The following PPP2R2C variants were observed in gnomAD, a reference collection of about 807,000 sequenced individuals.
The protein encoded by PPP2R2C is protein phosphatase 2 regulatory subunit Bgamma.
A neutral mutation model predicts 45.3 loss-of-function variants in PPP2R2C; 10 were observed. The ratio of observed to expected loss-of-function variants is 0.22; its 90% CI spans 0.14 to 0.37. The LOEUF is 0.37. Among genes scored for constraint, PPP2R2C ranks in the 10% least tolerant of loss-of-function variants. The probability of loss-of-function intolerance (pLI) is 1.00; values close to 1 mark genes in which losing one functional copy is unlikely to be tolerated. For synonymous variants in PPP2R2C, 257 were observed against 245.4 expected, an observed-to-expected ratio of 1.05 and a Z score of -0.44; for missense variants, 308 against 619.7, an observed-to-expected ratio of 0.50 and a Z score of 5.34.
intron 2 of PPP2R2C, among the ~76,000 whole-genome samples, chr4:6,486,737 T>C (rs1722542218): frequency 6.6e-6 from 1 of 152,144 alleles, no homozygotes; most frequent in African/African-American, 2.4e-5. Context: ...ACTCTTGTCT[T>C]TATATTTCAA....
At chr4:6,515,340 G>A (rs1470062710) in intron 2 of PPP2R2C, among the ~76,000 whole-genome samples, 1 of 152,154 alleles carries the variant, frequency 6.6e-6, no homozygotes, top group East Asian at 1.9e-4. Context: ...AACAAGTACT[G>A]GATGGTGAGC....
At chr4:6,343,998 G>C (rs1169696939) in intron 6 of PPP2R2C, among the ~76,000 whole-genome samples, 2 of 152,174 alleles carry the variant, frequency 1.3e-5, no homozygotes, top group Non-Finnish European at 2.9e-5. Flanking sequence ...GGGATCACTG[G>C]TGCGGGCAAG....
In PPP2R2C at chr4:6,372,532, T is replaced by G; in HGVS notation, c.616A>C (p.Arg206=). The G allele has an allele frequency of 6.2e-7, 1 of 1,614,136 alleles. No individual in the cohort carries two copies. The highest frequency in any genetic ancestry group is 8.5e-7 in the Non-Finnish European group (1 of 1,179,978). ...CCACAGTGAAGGATACTGAAGCTCC[T>G]GTCGGTGATGGCCAGGTGCCAGAGG... ...INLWHLAITD[R]SFNIVDIKPA... is the part of the protein sequence containing the mutation. Residue 206 remains arginine, a synonymous_variant, in exon 5 of 9, where the codon AGG becomes CGG. Coordinates refer to ENST00000382599, the MANE Select transcript of PPP2R2C (RefSeq NM_020416.4).
intron 5 of PPP2R2C, among the ~76,000 whole-genome samples, chr4:6,358,927 A>C (rs1197736625): frequency 6.6e-6 from 1 of 152,224 alleles, no homozygotes; most frequent in Non-Finnish European, 1.5e-5. Context: ...CATTGTGGAA[A>C]ACAGTGTGGT....
Position 6,498,669 on chromosome 4 carries a change from C to T in PPP2R2C, c.49+36602G>A, listed in dbSNP as rs377747177. Reference sequence around the variant, plus strand: ...AGGTGGAGGAGCTGGTGTCTATGCACGGTGACGTTGGGGAGCAACAGTTCA... The same window carrying T: ...AGGTGGAGGAGCTGGTGTCTATGCATGGTGACGTTGGGGAGCAACAGTTCA... On this transcript the variant is annotated intron_variant, in intron 2 of 9. Coordinates refer to the PPP2R2C transcript ENST00000506140. 3.0e-4 allele frequency among the ~76,000 whole-genome samples: 45 copies of T among 152,200 alleles called. 1 individual carries two copies. Among genetic ancestry groups the T allele is most frequent in the African/African-American group, 8.2e-4 (34 of 41,520 alleles).
chr4:6,468,634 G>C (rs1272822002), intron 1 of PPP2R2C, among the ~76,000 whole-genome samples: 1 of 152,128 alleles, frequency 6.6e-6, no homozygotes, highest in Non-Finnish European at 1.5e-5. Flanking sequence ...TGGTCAGCCT[G>C]AACCACCTCC....
rs140592738 is a variant in PPP2R2C, at chr4:6,345,184, C to T, written c.790+2662G>A. ...CACAGGGCTCACACGGGGTCAGCAG[C>T]GGACCAGGAGCAGGAAGAACCCCCT... On this transcript the variant is annotated intron_variant, in intron 6 of 8. Transcript: ENST00000382599. The surrounding 1 kb of genome is among the most constrained non-coding windows in gnomAD (Gnocchi z 5.3). 3.5e-3 allele frequency among the ~76,000 whole-genome samples: 527 copies of T among 152,300 alleles called. 3 individuals are homozygous for T. The highest frequency in any genetic ancestry group is 0.012 in the African/African-American group (495 of 41,556).
intron 1 of PPP2R2C, among the ~76,000 whole-genome samples, chr4:6,550,171 C>T (rs545534594): frequency 1.3e-5 from 2 of 152,126 alleles, no homozygotes; most frequent in African/African-American, 2.4e-5. Flanking sequence ...TGAGCCTCCC[C>T]GTCCCCCACT....
chr4:6,527,115 C>G (rs1051773665), intron 2 of PPP2R2C, among the ~76,000 whole-genome samples: 1 of 135,976 alleles, frequency 7.4e-6, no homozygotes, highest in Middle Eastern at 4.0e-3. Flanking sequence ...GCAGCCTCAG[C>G]CACCCTGAGC....
At chr4:6,436,587 C>G (rs1384034200) in intron 1 of PPP2R2C, among the ~76,000 whole-genome samples, 1 of 152,238 alleles carries the variant, frequency 6.6e-6, no homozygotes, top group Non-Finnish European at 1.5e-5. Flanking sequence ...AGCCAGGCGT[C>G]AAACCCTGGT....
chr4:6,381,989 C>T (rs113063269), intron 1 of PPP2R2C: 30 of 1,431,334 alleles, frequency 2.1e-5, no homozygotes, highest in Non-Finnish European at 2.4e-5. Context: ...CAGGGGAGGA[C>T]AAGGCCCTAG....
At chr4:6,490,372 G>C (rs1722661764) in intron 2 of PPP2R2C, among the ~76,000 whole-genome samples, 1 of 152,166 alleles carries the variant, frequency 6.6e-6, no homozygotes, top group African/African-American at 2.4e-5. Context: ...TTCCTTCATG[G>C]AGCCTTCCTT....
chr4:6,343,245 G>A lies in PPP2R2C; in HGVS notation c.790+4601C>T, dbSNP rs372827057. On this transcript the variant is annotated intron_variant, in intron 6 of 8. Coordinates refer to ENST00000382599, the MANE Select transcript of PPP2R2C (RefSeq NM_020416.4). ...AGAAGGACAGACACTTCAGCCACTC[G>A]CCCCAATGTGCGGCAAATTAAATGA... Among the ~76,000 whole-genome samples the A allele has an allele frequency of 3.3e-5, 5 of 152,162 alleles. No homozygotes were observed. The East Asian group carries it at 5.8e-4, about 18-fold the overall frequency.
At chr4:6,442,060 G>A (rs1720184707) in intron 1 of PPP2R2C, among the ~76,000 whole-genome samples, 1 of 152,340 alleles carries the variant, frequency 6.6e-6, no homozygotes, top group Non-Finnish European at 1.5e-5. Context: ...AAGGCAGCCA[G>A]CAGAGAGGAC....
intron 2 of PPP2R2C, among the ~76,000 whole-genome samples, chr4:6,502,071 C>T (rs766184453): frequency 1.2e-4 from 18 of 152,232 alleles, no homozygotes; most frequent in Non-Finnish European, 2.2e-4. Flanking sequence ...CAGCCTGTTC[C>T]ACGCGATCTG....
intron 1 of PPP2R2C, among the ~76,000 whole-genome samples, chr4:6,391,742 G>A (rs1560509401): frequency 6.6e-6 from 1 of 152,232 alleles, no homozygotes. Flanking sequence ...TGGGGGAGCG[G>A]CAGCAGGGGA....
intron 1 of PPP2R2C, among the ~76,000 whole-genome samples, chr4:6,443,462 G>A (rs527516381): frequency 1.3e-5 from 2 of 152,338 alleles, no homozygotes; most frequent in African/African-American, 2.4e-5. Flanking sequence ...CTCAGGCACT[G>A]GGCAGAGAAG....
At chr4:6,553,209 G>A (rs1323860844) in intron 1 of PPP2R2C, among the ~76,000 whole-genome samples, 1 of 152,206 alleles carries the variant, frequency 6.6e-6, no homozygotes, top group Non-Finnish European at 1.5e-5. Context: ...GAGAAGAACG[G>A]GGAGTGTTCC....
At chr4:6,542,768 T>G (rs555003562) in intron 1 of PPP2R2C, among the ~76,000 whole-genome samples, 11 of 148,080 alleles carry the variant, frequency 7.4e-5, no homozygotes, top group Admixed American at 1.3e-4. Flanking sequence ...AAGAAACAGA[T>G]AAATTTCTAG....
Sources: gnomAD v4.1 joint callset for allele counts (sites outside exome capture counted in the v4.1 genomes callset) on GRCh38, gnomAD v4.1.1 for gene constraint, Gnocchi (gnomAD v3.1) non-coding constraint, MANE v1.5 for transcripts, NCBI Gene and HGNC (gene_info 2026-07-23, HGNC 2026-07-21) for gene names.